YTHDC2: variants seen among roughly 807,000 people sequenced by gnomAD.
YTHDC2 encodes the protein YTH N6-methyladenosine RNA binding protein C2.
A neutral mutation model predicts 174.9 loss-of-function variants in YTHDC2; 45 were observed. The ratio of observed to expected loss-of-function variants is 0.26; its 90% CI spans 0.20 to 0.33. YTHDC2 has a LOEUF of 0.33. Among genes scored for constraint, YTHDC2 ranks in the 10% least tolerant of loss-of-function variants. The probability of loss-of-function intolerance (pLI) is 1.00; values close to 1 mark genes in which losing one functional copy is unlikely to be tolerated. For missense variants in YTHDC2, 1,650 were observed against 1,723.7 expected (o/e 0.96, Z 0.76); for synonymous variants, 657 against 574.5 (o/e 1.14, Z -2.05).
At chr5:113,547,557 A>T (rs1331988292) in intron 10 of YTHDC2, among the ~76,000 whole-genome samples, 2 of 152,086 alleles carry the variant, frequency 1.3e-5, no homozygotes, top group African/African-American at 4.8e-5. Context: ...CTGGTGGGGG[A>T]TGTTGATAAT....
chr5:113,541,274 C>T (rs1775440942), intron 9 of YTHDC2, among the ~76,000 whole-genome samples, 158 bp downstream of exon 9: 1 of 151,528 alleles, frequency 6.6e-6, no homozygotes, highest in Non-Finnish European at 1.5e-5. Flanking sequence ...TCACTGCAAG[C>T]TCCGCGTTCC....
chr5:113,533,585 C>A (rs1019888625), intron 5 of YTHDC2, among the ~76,000 whole-genome samples: 7 of 151,770 alleles, frequency 4.6e-5, no homozygotes, highest in African/African-American at 1.5e-4. Flanking sequence ...GTTTCATGAT[C>A]ATAGTTATTT....
chr5:113,568,748 C>G (rs1448008397), intron 23 of YTHDC2, among the ~76,000 whole-genome samples: 1 of 152,086 alleles, frequency 6.6e-6, no homozygotes, highest in Non-Finnish European at 1.5e-5. Context: ...TGTATATGTA[C>G]CATATTTTCT....
chr5:113,537,361 C>CTTTTTTTTTTTT (rs139190695), intron 7 of YTHDC2, among the ~76,000 whole-genome samples: 1 of 124,500 alleles, frequency 8.0e-6, no homozygotes, highest in Non-Finnish European at 1.7e-5. Flanking sequence ...GGCTCTCTCT[C>CTTTTTTTTTTTT]TTTTTTTTTT....
chr5:113,520,987 CCTA>C (rs1773826218), intron 2 of YTHDC2, among the ~76,000 whole-genome samples: 1 of 152,156 alleles, frequency 6.6e-6, no homozygotes, highest in African/African-American at 2.4e-5. Context: ...TCATTTAGCT[CCTA>C]CTTACAAATG....
chr5:113,521,255 G>C (rs1773841854), intron 2 of YTHDC2, among the ~76,000 whole-genome samples: 1 of 152,176 alleles, frequency 6.6e-6, no homozygotes, highest in African/African-American at 2.4e-5. Flanking sequence ...GAGATGTTAA[G>C]TAATTTTCCT....
intron 2 of YTHDC2, among the ~76,000 whole-genome samples, chr5:113,519,603 T>A (rs1773723267): frequency 6.6e-6 from 1 of 152,096 alleles, no homozygotes; most frequent in South Asian, 2.1e-4. Flanking sequence ...CCAAATAGAG[T>A]ACCAAAGTAC....
chr5:113,516,594 A>T (rs573622807), intron 2 of YTHDC2, among the ~76,000 whole-genome samples: 1 of 152,258 alleles, frequency 6.6e-6, no homozygotes, highest in African/African-American at 2.4e-5. Flanking sequence ...CATGCCACTA[A>T]CACTCCTAAC....
chr5:113,513,802 C>T lies in YTHDC2; in HGVS notation c.-94C>T. The T allele has an allele frequency of 7.2e-7, 1 of 1,393,816 alleles. No individual in the cohort carries two copies. The highest frequency in any genetic ancestry group is 9.5e-7 in the Non-Finnish European group (1 of 1,055,134). 86.3% of individuals were successfully genotyped at this position (1,393,816 alleles called of 1,614,324 possible). A position where few individuals can be genotyped will look rare whatever the true frequency, so the allele number is the denominator to read the frequency against. On this transcript the variant is annotated 5_prime_UTR_variant, in exon 1 of 30. Transcript: ENST00000161863. ...CAACACAGGCCGTCTCCGGAGCTTC[C>T]CGGTAGTGGCCCCGGATTCCCACGG...
At position 113,513,782 on chromosome 5, in the gene YTHDC2, C is replaced by G; in HGVS notation, c.-114C>G. 1 of 1,233,988 alleles carries G rather than the reference C, an allele frequency of 8.1e-7. No individual in the cohort carries two copies. The highest frequency in any genetic ancestry group is 1.1e-6 in the Non-Finnish European group (1 of 919,256). 76.4% of individuals were successfully genotyped at this position (1,233,988 alleles called of 1,614,324 possible). ...CCTTTCTGGTGACCTCAGCCCAACACAGGCCGTCTCCGGAGCTTCCCGGTA... is the reference window on the plus strand; with the variant it reads ...CCTTTCTGGTGACCTCAGCCCAACAGAGGCCGTCTCCGGAGCTTCCCGGTA... On this transcript the variant is annotated 5_prime_UTR_variant, in exon 1 of 30. Transcript: ENST00000161863.
chr5:113,560,719 C>T (rs1024217473), intron 17 of YTHDC2, among the ~76,000 whole-genome samples: 4 of 152,130 alleles, frequency 2.6e-5, no homozygotes, highest in Non-Finnish European at 5.9e-5. Flanking sequence ...AATCACTGGG[C>T]CTGAACACAG....
chr5:113,568,534 C>A (rs1057210364), intron 23 of YTHDC2, among the ~76,000 whole-genome samples: 3 of 152,132 alleles, frequency 2.0e-5, no homozygotes, highest in Non-Finnish European at 2.9e-5. Context: ...CTACCACACA[C>A]CCCCAGTAGG....
At chr5:113,552,709 T>C (rs1402762833) in intron 12 of YTHDC2, among the ~76,000 whole-genome samples, 1 of 152,168 alleles carries the variant, frequency 6.6e-6, no homozygotes, top group Non-Finnish European at 1.5e-5. Flanking sequence ...ATGGTAACTC[T>C]ATGTTTAACC....
rs573687991 is a variant in YTHDC2 at position 113,542,647 on chromosome 5, A to T, written c.1495+144A>T. 1.3e-5 allele frequency: 9 copies of T among 674,186 alleles called. No homozygotes were observed. The African/African-American group carries it at 1.5e-4, about 11-fold the overall frequency. The allele number at this position is 674,186 out of a possible 1,614,324, so 41.8% of individuals were successfully genotyped here. A position where few individuals can be genotyped will look rare whatever the true frequency, so the allele number is the denominator to read the frequency against. On this transcript the variant is annotated intron_variant, in intron 10 of 29. Transcript: ENST00000161863. ...GTATTTATTTTATTTCAAATGTACAAATCAGGATCTTCTTGCTAGCACAGC... is the reference window on the plus strand; with the variant it reads ...GTATTTATTTTATTTCAAATGTACATATCAGGATCTTCTTGCTAGCACAGC...
rs1289230576 is a variant in YTHDC2, at chr5:113,567,823, C to T, written c.3218C>T (p.Ala1073Val). The T allele has an allele frequency of 6.3e-7, 1 of 1,580,358 alleles. No homozygotes were observed. Among genetic ancestry groups the T allele is most frequent in the African/African-American group, 1.4e-5 (1 of 73,686 alleles). The change falls in exon 23 of 30, where the codon GCT (alanine) becomes GTT (valine). Residue 1073 changes from alanine to valine, a missense_variant. Transcript: ENST00000161863. Reference sequence around the variant, plus strand: ...GGACCAGCTAGATTGGCAAGTAATGCTCTTCAGGAACCTTCATCCTTTAGA... The same window carrying T: ...GGACCAGCTAGATTGGCAAGTAATGTTCTTCAGGAACCTTCATCCTTTAGA... ...FCGPARLASNALQEPSSFRVD... is the reference protein window; with the variant it reads ...FCGPARLASNVLQEPSSFRVD...
chr5:113,589,301 T>G (rs1265563954), intron 26 of YTHDC2, among the ~76,000 whole-genome samples: 1 of 151,228 alleles, frequency 6.6e-6, no homozygotes, highest in Admixed American at 6.6e-5. Context: ...CGTTCACTGA[T>G]GTTTTTATTT....
At chr5:113,528,395 A>G (rs766086930) in intron 4 of YTHDC2, among the ~76,000 whole-genome samples, 10 of 152,262 alleles carry the variant, frequency 6.6e-5, no homozygotes, top group Non-Finnish European at 1.5e-4. Flanking sequence ...ATAAAACAGA[A>G]TGTAAGTAGT....
intron 2 of YTHDC2, among the ~76,000 whole-genome samples, chr5:113,520,431 A>G (rs571633400): frequency 6.6e-6 from 1 of 152,210 alleles, no homozygotes; most frequent in Non-Finnish European, 1.5e-5. Flanking sequence ...TAAATAAAAT[A>G]AAAAATTAGG....
chr5:113,593,430 A>T (rs1397892472), intron 29 of YTHDC2, 40 bp downstream of exon 29: 1 of 1,451,784 alleles, frequency 6.9e-7, no homozygotes, highest in Non-Finnish European at 9.6e-7. Flanking sequence ...AGTATTTGTG[A>T]TCATTAGGAA....
Sources: allele counts gnomAD v4.1 joint callset (sites outside exome capture counted in the v4.1 genomes callset), GRCh38; gene constraint gnomAD v4.1.1; transcripts MANE v1.5; gene names NCBI Gene and HGNC (gene_info 2026-07-23, HGNC 2026-07-21).